The following KCNK13 variants were observed in gnomAD, a reference collection of about 807,000 sequenced individuals.
The protein encoded by KCNK13 is potassium channel subfamily K member 13.
Under a neutral mutation model 23.4 loss-of-function variants are expected in KCNK13, and 12 were observed. The ratio of observed to expected loss-of-function variants is 0.51; its 90% confidence interval spans 0.33 to 0.83. The LOEUF is 0.83. Among genes scored for constraint, KCNK13 ranks in the 40% least tolerant of loss-of-function variants. The probability of loss-of-function intolerance (pLI) is 0.02; values close to 1 mark genes in which losing one functional copy is unlikely to be tolerated. For synonymous variants in KCNK13, 231 were observed against 229.5 expected, an observed-to-expected ratio of 1.01 and a Z score of -0.06; for missense variants, 463 against 556.3, an observed-to-expected ratio of 0.83 and a Z score of 1.69.
At chr14:90,096,007 G>A (rs1773080444) in intron 1 of KCNK13, among the ~76,000 whole-genome samples, 1 of 152,120 alleles carries the variant, frequency 6.6e-6, no homozygotes, top group African/African-American at 2.4e-5. Context: ...ATATTACAAA[G>A]GATACAGATG....
chr14:90,146,198 CT>C (rs1292010572), intron 1 of KCNK13, among the ~76,000 whole-genome samples: 3 of 152,118 alleles, frequency 2.0e-5, no homozygotes, highest in Non-Finnish European at 2.9e-5. Context: ...GATTTTGTCT[CT>C]TTATCCATTA....
At chr14:90,116,605 G>A (rs1889679498) in intron 1 of KCNK13, among the ~76,000 whole-genome samples, 1 of 152,176 alleles carries the variant, frequency 6.6e-6, no homozygotes, top group South Asian at 2.1e-4. Context: ...AAGGAGACAA[G>A]CCCAAGTGGA....
Position 90,185,067 on chromosome 14 carries a change from C to A in KCNK13, c.*64C>A. The A allele has an allele frequency of 7.2e-7, 1 of 1,387,202 alleles. No individual in the cohort carries two copies. The highest frequency in any genetic ancestry group is 9.6e-7 in the Non-Finnish European group (1 of 1,042,740). 85.9% of individuals were successfully genotyped at this position (1,387,202 alleles called of 1,614,324 possible). Reference sequence around the variant, plus strand: ...TGGAGGATGATTGCCGCCCAGGGGACGAGCTCAGCCCTGCGCCTTGGCTCT... The same window carrying A: ...TGGAGGATGATTGCCGCCCAGGGGAAGAGCTCAGCCCTGCGCCTTGGCTCT... On this transcript the variant is annotated 3_prime_UTR_variant, in exon 2 of 2. Coordinates refer to ENST00000282146, the MANE Select transcript of KCNK13 (RefSeq NM_022054.4).
chr14:90,120,122 T>A (rs1889720051), intron 1 of KCNK13, among the ~76,000 whole-genome samples: 1 of 152,178 alleles, frequency 6.6e-6, no homozygotes, highest in Non-Finnish European at 1.5e-5. Flanking sequence ...TGTGTCCATG[T>A]GTTCTCATCA....
chr14:90,146,338 G>A (rs906106880), intron 1 of KCNK13, among the ~76,000 whole-genome samples: 2 of 151,940 alleles, frequency 1.3e-5, no homozygotes, highest in African/African-American at 2.4e-5. Flanking sequence ...TTAGTGGGGG[G>A]GCAATCTCGC....
At chr14:90,075,148 A>C (rs572041392) in intron 1 of KCNK13, among the ~76,000 whole-genome samples, 2 of 152,198 alleles carry the variant, frequency 1.3e-5, no homozygotes, top group Admixed American at 1.3e-4. Flanking sequence ...TTTCAATTCT[A>C]TATTTTTATT....
At chr14:90,108,051 G>T in intron 1 of KCNK13, 1 of 613,896 alleles carries the variant, frequency 1.6e-6, no homozygotes, top group South Asian at 1.7e-5. Context: ...GGCATTGCAT[G>T]TGATGACAGC....
intron 1 of KCNK13, among the ~76,000 whole-genome samples, chr14:90,105,758 A>T (rs1010030041): frequency 1.3e-5 from 2 of 152,094 alleles, no homozygotes; most frequent in Non-Finnish European, 2.9e-5. Flanking sequence ...GGCACAAGGG[A>T]TCTGTTTATT....
rs182814152 is a variant in KCNK13 at position 90,180,443 on chromosome 14, G to A, written c.335-3668G>A. ...TTAGCTTACTTACACACTTTTCAGC[G>A]CTGAGAGTAGTAAAACCACCTCTCA... On this transcript the variant is annotated intron_variant, in intron 1 of 1. Transcript: ENST00000282146. 2.1e-3 allele frequency among the ~76,000 whole-genome samples: 324 copies of A among 152,214 alleles called. 2 individuals are homozygous for A. The highest frequency in any genetic ancestry group is 0.017 in the South Asian group (83 of 4,822).
Position 90,159,355 on chromosome 14 carries a change from C to T in KCNK13, c.335-24756C>T, listed in dbSNP as rs115234330. Among the ~76,000 whole-genome samples, 1,023 of 152,288 alleles carry T rather than the reference C, an allele frequency of 6.7e-3. 10 individuals are homozygous for T. Among genetic ancestry groups the T allele is most frequent in the African/African-American group, 0.023 (971 of 41,542 alleles). ...TTCTGCCCTGATTAGAAATCAGAAACGGAGCCAGGACTCAGGGCCTGCCTG... is the reference window on the plus strand; with the variant it reads ...TTCTGCCCTGATTAGAAATCAGAAATGGAGCCAGGACTCAGGGCCTGCCTG... On this transcript the variant is annotated intron_variant, in intron 1 of 1. Transcript: ENST00000282146.
chr14:90,098,631 C>T lies in KCNK13; in HGVS notation c.334+36092C>T, dbSNP rs183518248. 1.8e-3 allele frequency among the ~76,000 whole-genome samples: 276 copies of T among 149,892 alleles called. 2 individuals are homozygous for T. The highest frequency in any genetic ancestry group is 6.6e-3 in the African/African-American group (270 of 40,630). On this transcript the variant is annotated intron_variant, in intron 1 of 1. Transcript: ENST00000282146. Reference sequence around the variant, plus strand: ...TCATGCCACTGCACTCCATCCTGGGCGACAGAGTGAGACTCGGTCTCCAAA... The same window carrying T: ...TCATGCCACTGCACTCCATCCTGGGTGACAGAGTGAGACTCGGTCTCCAAA...
At chr14:90,128,331 A>G (rs1889827235) in intron 1 of KCNK13, among the ~76,000 whole-genome samples, 1 of 152,202 alleles carries the variant, frequency 6.6e-6, no homozygotes, top group Non-Finnish European at 1.5e-5. Flanking sequence ...AAACAAACAA[A>G]CAAAACAAAA....
intron 1 of KCNK13, among the ~76,000 whole-genome samples, chr14:90,113,021 C>T (rs369382839): frequency 4.0e-5 from 6 of 151,650 alleles, no homozygotes; most frequent in African/African-American, 1.5e-4. Flanking sequence ...TCAAGCAATC[C>T]TTTCACCCCA....
chr14:90,156,886 C>A (rs1443193697), intron 1 of KCNK13, among the ~76,000 whole-genome samples: 1 of 152,170 alleles, frequency 6.6e-6, no homozygotes, highest in African/African-American at 2.4e-5. Flanking sequence ...CAATATATGT[C>A]TCAAGGGTAT....
intron 1 of KCNK13, among the ~76,000 whole-genome samples, chr14:90,089,081 A>G (rs1478868822): frequency 3.3e-5 from 5 of 152,226 alleles, no homozygotes; most frequent in African/African-American, 1.2e-4. Context: ...AGAGTGGGGC[A>G]TTGCTGAAAA....
intron 1 of KCNK13, among the ~76,000 whole-genome samples, chr14:90,067,704 C>T (rs930609887): frequency 9.9e-5 from 15 of 152,240 alleles, no homozygotes; most frequent in Non-Finnish European, 1.5e-4. Context: ...GGAGATCAGA[C>T]GTGAAACAGG....
rs78268168 is a variant in KCNK13 at position 90,099,460 on chromosome 14, T to C, written c.334+36921T>C. 7.1e-3 allele frequency among the ~76,000 whole-genome samples: 1,085 copies of C among 152,296 alleles called. 14 individuals carry two copies. Among genetic ancestry groups the C allele is most frequent in the African/African-American group, 0.025 (1,050 of 41,560 alleles). Reference sequence around the variant, plus strand: ...CCTACAAGTTGAGTATATGAAAAATTCCAAGAGAAATAGAATGCTCATGGA... The same window carrying C: ...CCTACAAGTTGAGTATATGAAAAATCCCAAGAGAAATAGAATGCTCATGGA... On this transcript the variant is annotated intron_variant, in intron 1 of 1. Transcript: ENST00000282146.
chr14:90,073,829 C>G (rs1049993167), intron 1 of KCNK13, among the ~76,000 whole-genome samples: 1 of 152,012 alleles, frequency 6.6e-6, no homozygotes, highest in Non-Finnish European at 1.5e-5. Flanking sequence ...TGCCACCACG[C>G]CCAGCTAATT....
intron 1 of KCNK13, among the ~76,000 whole-genome samples, chr14:90,084,233 G>A (rs996443987): frequency 1.3e-5 from 2 of 152,078 alleles, no homozygotes; most frequent in Non-Finnish European, 2.9e-5. Context: ...TTAATTTGGG[G>A]AATTTTGCCA....
Sources: gnomAD v4.1 joint callset for allele counts (sites outside exome capture counted in the v4.1 genomes callset) on GRCh38, gnomAD v4.1.1 for gene constraint, MANE v1.5 for transcripts, NCBI Gene and HGNC (gene_info 2026-07-23, HGNC 2026-07-21) for gene names.